The following PGBD2 variants were observed in gnomAD, a reference collection of about 807,000 sequenced individuals.
The protein encoded by PGBD2 is piggyBac transposable element derived 2.
A neutral mutation model predicts 8.1 loss-of-function variants in PGBD2; 6 were observed. The observed-to-expected ratio is 0.74, with a 90% CI of 0.40 to 1.46. The LOEUF (loss-of-function observed/expected upper bound fraction) is 1.46. PGBD2 is among the 40% of genes most tolerant of loss of function. The probability of loss-of-function intolerance (pLI) is 0.02; values close to 1 mark genes in which losing one functional copy is unlikely to be tolerated. For synonymous variants in PGBD2, 318 were observed against 272.2 expected (o/e 1.17, Z -1.66); for missense variants, 802 against 739.0 (o/e 1.09, Z -0.99).
At chr1:248,913,906 T>A in intron 2 of PGBD2, 27 bp downstream of exon 2, 1 of 1,594,314 alleles carries the variant, frequency 6.3e-7, no homozygotes, top group Non-Finnish European at 8.6e-7. Context: ...ATCAAATGTT[T>A]TATTGAAGAA....
chr1:248,898,323 T>C, the PGBD2 span, among the ~76,000 whole-genome samples: 29 of 152,262 alleles, frequency 1.9e-4, no homozygotes, highest in African/African-American at 6.7e-4. Context: ...CCAGCAGCAT[T>C]TGGGCTTGAA....
the PGBD2 span, among the ~76,000 whole-genome samples, chr1:248,885,555 C>A: frequency 6.6e-6 from 1 of 152,142 alleles, no homozygotes. Flanking sequence ...AGAAGCTAGA[C>A]CTCCTTTGAA....
chr1:248,892,619 A>C, the PGBD2 span, among the ~76,000 whole-genome samples: 4 of 152,208 alleles, frequency 2.6e-5, no homozygotes, highest in Admixed American at 2.6e-4. Context: ...CTCCTTTGGC[A>C]TAATATATTT....
At chr1:248,884,253 AT>A in the PGBD2 span, among the ~76,000 whole-genome samples, 1 of 152,194 alleles carries the variant, frequency 6.6e-6, no homozygotes, top group Non-Finnish European at 1.5e-5. Flanking sequence ...TTCTAAGCCA[AT>A]ATAAGTGATT....
chr1:248,911,631 G>A (rs1313913099), intron 1 of PGBD2, among the ~76,000 whole-genome samples: 2 of 146,268 alleles, frequency 1.4e-5, no homozygotes, highest in African/African-American at 5.5e-5. Context: ...TGAGCTGTTG[G>A]GCACACCTCC....
intron 1 of PGBD2, among the ~76,000 whole-genome samples, chr1:248,909,119 C>T (rs1485869320): frequency 1.3e-5 from 2 of 152,124 alleles, no homozygotes; most frequent in South Asian, 4.1e-4. Context: ...ACATTATTCC[C>T]TTTGTGAGTT....
chr1:248,898,310 C>T, the PGBD2 span, among the ~76,000 whole-genome samples: 1 of 152,192 alleles, frequency 6.6e-6, no homozygotes, highest in East Asian at 1.9e-4. Context: ...TCTCCAGACA[C>T]CTCCAGCAGC....
the PGBD2 span, among the ~76,000 whole-genome samples, chr1:248,898,520 C>T: frequency 2.6e-5 from 4 of 152,182 alleles, no homozygotes; most frequent in African/African-American, 9.6e-5. Flanking sequence ...GCTTTATAAG[C>T]AAAAAAGAAA....
the PGBD2 span, among the ~76,000 whole-genome samples, chr1:248,930,068 G>A: frequency 6.7e-4 from 102 of 152,318 alleles, no homozygotes; most frequent in African/African-American, 2.4e-3. Flanking sequence ...GTGCTGAGGA[G>A]GGAGCTCTGC....
At chr1:248,883,462 A>T in the PGBD2 span, among the ~76,000 whole-genome samples, 1 of 150,140 alleles carries the variant, frequency 6.7e-6, no homozygotes, top group African/African-American at 2.5e-5. Flanking sequence ...TTTTTGCTTG[A>T]TGATTTGTTT....
rs781625379 is a variant in PGBD2 at position 248,917,978 on chromosome 1, G to T, written c.1394G>T (p.Arg465Met). The T allele has an allele frequency of 1.9e-5, 31 of 1,614,056 alleles. No homozygotes were observed. Among genetic ancestry groups the T allele is most frequent in the Non-Finnish European group, 2.4e-5 (28 of 1,180,034 alleles). Residue 465 changes from arginine to methionine, a missense_variant, in exon 3 of 3, where the codon AGG becomes ATG. Coordinates refer to ENST00000329291, the MANE Select transcript of PGBD2 (RefSeq NM_170725.3). ...CAGGAGAAGGTGGGTGGCGTTGGTAGGATGGATCAGAATATTGCCAAGTAC... is the reference window on the plus strand; with the variant it reads ...CAGGAGAAGGTGGGTGGCGTTGGTATGATGGATCAGAATATTGCCAAGTAC... ...LYQEKVGGVG[R>M]MDQNIAKYKV...
At chr1:248,907,464 C>T (rs1164852885) in intron 1 of PGBD2, among the ~76,000 whole-genome samples, 2 of 152,200 alleles carry the variant, frequency 1.3e-5, no homozygotes, top group South Asian at 4.1e-4. Flanking sequence ...TTTACTAATC[C>T]ACCTCAGCAC....
At chr1:248,896,757 T>C in the PGBD2 span, among the ~76,000 whole-genome samples, 1 of 152,134 alleles carries the variant, frequency 6.6e-6, no homozygotes, top group African/African-American at 2.4e-5. Flanking sequence ...CCAGTTGATA[T>C]TGGATGCTGG....
chr1:248,905,553 C>T (rs983562490), upstream of PGBD2, among the ~76,000 whole-genome samples: 1 of 152,138 alleles, frequency 6.6e-6, no homozygotes, highest in African/African-American at 2.4e-5. Context: ...AATTAAGGTT[C>T]TATTTTTACC....
At chr1:248,911,224 G>A (rs1055758369) in intron 1 of PGBD2, among the ~76,000 whole-genome samples, 1 of 151,362 alleles carries the variant, frequency 6.6e-6, no homozygotes, top group African/African-American at 2.4e-5. Context: ...ATAAACATGT[G>A]AACAAGGGTC....
the PGBD2 span, among the ~76,000 whole-genome samples, chr1:248,874,480 A>G: frequency 7.2e-5 from 11 of 152,230 alleles, no homozygotes; most frequent in African/African-American, 2.7e-4. Context: ...TGCGCGCCGT[A>G]TATGTAGTCA....
At chr1:248,873,851 G>A in the PGBD2 span, among the ~76,000 whole-genome samples, 6 of 152,322 alleles carry the variant, frequency 3.9e-5, no homozygotes, top group Non-Finnish European at 7.4e-5. Flanking sequence ...CTCTGCTTCC[G>A]AGTGTCAGGA....
At chr1:248,895,990 G>A in the PGBD2 span, among the ~76,000 whole-genome samples, 1 of 151,868 alleles carries the variant, frequency 6.6e-6, no homozygotes, top group Non-Finnish European at 1.5e-5. Context: ...CCGGCCCACT[G>A]TATAGTCTTT....
Position 248,917,498 on chromosome 1 carries a change from A to T in PGBD2, c.914A>T (p.Tyr305Phe). ...KIWCGTTSRG[Y>F]LVWFEPSQGT... Reference sequence around the variant, plus strand: ...TGGTGTGGGACAACCAGCAGAGGCTACTTGGTGTGGTTTGAGCCCTCACAG... The same window carrying T: ...TGGTGTGGGACAACCAGCAGAGGCTTCTTGGTGTGGTTTGAGCCCTCACAG... The change falls in exon 3 of 3, where the codon TAC becomes TTC. Residue 305 changes from tyrosine to phenylalanine, a missense_variant. Physicochemically the swap from Tyr to Phe is conservative, Grantham distance 22. Coordinates refer to ENST00000329291, the MANE Select transcript of PGBD2 (RefSeq NM_170725.3). 2 of 1,614,154 alleles carry T rather than the reference A, an allele frequency of 1.2e-6. No homozygotes were observed. Among genetic ancestry groups the T allele is most frequent in the Non-Finnish European group, 1.7e-6 (2 of 1,180,020 alleles).
Sources: gnomAD v4.1 joint callset for allele counts (sites outside exome capture counted in the v4.1 genomes callset) on GRCh38, gnomAD v4.1.1 for gene constraint, MANE v1.5 for transcripts, NCBI Gene and HGNC (gene_info 2026-07-23, HGNC 2026-07-21) for gene names.